The following SPAG16 variants were observed in gnomAD, a reference collection of about 807,000 sequenced individuals.
SPAG16 encodes the protein sperm associated antigen 16.
SPAG16 carries 86 observed loss-of-function variants against 80.4 expected under a neutral mutation model. The observed-to-expected ratio is 1.07, with a 90% confidence interval of 0.90 to 1.28. The LOEUF (loss-of-function observed/expected upper bound fraction) is 1.28. Among genes scored for constraint, SPAG16 ranks in the 50% most tolerant of loss-of-function variants. SPAG16 has a pLI of 0.00. For synonymous variants in SPAG16, 294 were observed against 265.9 expected, an observed-to-expected ratio of 1.11 and a Z score of -1.03; for missense variants, 870 against 765.3, an observed-to-expected ratio of 1.14 and a Z score of -1.61.
In SPAG16 at chr2:213,796,324, C is replaced by T. The variant is rs563569895; in HGVS notation, c.1071-66161C>T. ...CCATACCTATTCTGACTTTCAACCC[C>T]AGGAAACATCTAATCTACTTTCTAT... On this transcript the variant is annotated intron_variant, in intron 10 of 15. Coordinates refer to ENST00000331683, the MANE Select transcript of SPAG16 (RefSeq NM_024532.5). 4.6e-5 allele frequency among the ~76,000 whole-genome samples: 7 copies of T among 152,240 alleles called. No individual in the cohort carries two copies. In the South Asian group the frequency reaches 1.2e-3, roughly 27 times the overall value.
At chr2:213,914,888 C>T (rs1256051991) in intron 11 of SPAG16, among the ~76,000 whole-genome samples, 1 of 151,198 alleles carries the variant, frequency 6.6e-6, no homozygotes, top group Admixed American at 6.6e-5. Flanking sequence ...GATATTAGAA[C>T]TTTGTCAAAC....
intron 10 of SPAG16, among the ~76,000 whole-genome samples, chr2:213,550,493 T>A (rs1260530491): frequency 6.6e-6 from 1 of 152,114 alleles, no homozygotes; most frequent in Non-Finnish European, 1.5e-5. Flanking sequence ...GGAGTGCATT[T>A]TATTTACAAT....
At chr2:213,921,665 A>G (rs13410710) in intron 11 of SPAG16, among the ~76,000 whole-genome samples, 88,978 of 152,036 alleles carry the variant, frequency 0.59, 27,844 homozygotes, top group South Asian at 0.84. Flanking sequence ...GTAGTGGCTG[A>G]TAATGATCTT....
intron 15 of SPAG16, among the ~76,000 whole-genome samples, chr2:214,365,310 A>C (rs980705471): frequency 6.6e-6 from 1 of 152,168 alleles, no homozygotes; most frequent in Non-Finnish European, 1.5e-5. Flanking sequence ...TCCTTTCCCT[A>C]TTAAGTGACT....
At chr2:213,712,413 G>T (rs1224748099) in intron 10 of SPAG16, among the ~76,000 whole-genome samples, 1 of 152,222 alleles carries the variant, frequency 6.6e-6, no homozygotes, top group African/African-American at 2.4e-5. Context: ...ACCCATATAA[G>T]ATACTTAATA....
chr2:213,680,932 T>G lies in SPAG16; in HGVS notation c.1071-181553T>G, dbSNP rs191904733. On this transcript the variant is annotated intron_variant, in intron 10 of 15. Transcript: ENST00000331683. ...AGACATTTTCTGGTTTACAATTGGCTGAGTTTATCTGAAGAACTAGGATCA... is the reference window on the plus strand; with the variant it reads ...AGACATTTTCTGGTTTACAATTGGCGGAGTTTATCTGAAGAACTAGGATCA... 2.6e-5 allele frequency among the ~76,000 whole-genome samples: 4 copies of G among 152,318 alleles called. No individual in the cohort carries two copies. The East Asian group carries it at 7.7e-4, about 29-fold the overall frequency.
chr2:213,704,449 C>T (rs1201396411), intron 10 of SPAG16, among the ~76,000 whole-genome samples: 1 of 152,100 alleles, frequency 6.6e-6, no homozygotes, highest in Non-Finnish European at 1.5e-5. Flanking sequence ...CACAGAGTGA[C>T]ATCACAGCCC....
At chr2:213,825,870 T>C (rs1315253324) in intron 10 of SPAG16, among the ~76,000 whole-genome samples, 2 of 151,986 alleles carry the variant, frequency 1.3e-5, no homozygotes, top group Non-Finnish European at 2.9e-5. Flanking sequence ...CATTCAGCAG[T>C]GAAGCCATCA....
In SPAG16 at chr2:213,510,787, A is replaced by G. The variant is rs114146954; in HGVS notation, c.1070+20697A>G. 2.7e-3 allele frequency among the ~76,000 whole-genome samples: 416 copies of G among 152,320 alleles called. 2 individuals are homozygous for G. Among genetic ancestry groups the G allele is most frequent in the African/African-American group, 8.6e-3 (358 of 41,586 alleles). On this transcript the variant is annotated intron_variant, in intron 10 of 15. Transcript: ENST00000331683. ...ATTAAGTGAGAAACATGTGTCATAT[A>G]GTAAATACTTAATGGAATATACCTA...
intron 15 of SPAG16, among the ~76,000 whole-genome samples, chr2:214,246,144 G>A (rs1304714692): frequency 1.3e-5 from 2 of 152,046 alleles, no homozygotes; most frequent in African/African-American, 4.8e-5. Context: ...AAATGAGAGG[G>A]AATTAGGAGA....
At chr2:213,954,841 GATT>G (rs1238402601) in intron 12 of SPAG16, among the ~76,000 whole-genome samples, 2 of 152,012 alleles carry the variant, frequency 1.3e-5, no homozygotes, top group African/African-American at 2.4e-5. Flanking sequence ...AAAATATTAT[GATT>G]ATTATAGCTG....
chr2:213,719,721 G>T (rs2066429533), intron 10 of SPAG16, among the ~76,000 whole-genome samples: 1 of 152,184 alleles, frequency 6.6e-6, no homozygotes, highest in Non-Finnish European at 1.5e-5. Context: ...AAATAGGAAT[G>T]CTTTTACACT....
At chr2:213,373,686 G>A (rs924118563) in intron 8 of SPAG16, among the ~76,000 whole-genome samples, 5 of 152,100 alleles carry the variant, frequency 3.3e-5, no homozygotes, top group Non-Finnish European at 5.9e-5. Context: ...TCTCCCTACT[G>A]ATTTCTCTTT....
chr2:214,225,782 G>A (rs2058685402), intron 15 of SPAG16, among the ~76,000 whole-genome samples: 1 of 151,984 alleles, frequency 6.6e-6, no homozygotes, highest in Non-Finnish European at 1.5e-5. Flanking sequence ...ATAAACTGTT[G>A]GAATATATGT....
chr2:213,698,932 A>G (rs1428766648), intron 10 of SPAG16, among the ~76,000 whole-genome samples: 2 of 152,242 alleles, frequency 1.3e-5, no homozygotes, highest in African/African-American at 2.4e-5. Flanking sequence ...ATGCACATCA[A>G]GTACAACGCA....
chr2:214,314,978 A>T (rs1576757898), intron 15 of SPAG16, among the ~76,000 whole-genome samples: 1 of 152,246 alleles, frequency 6.6e-6, no homozygotes, highest in East Asian at 1.9e-4. Flanking sequence ...AAAAGAAGGA[A>T]TTGGAAAAAT....
At chr2:213,830,762 G>A (rs1015537747) in intron 10 of SPAG16, among the ~76,000 whole-genome samples, 12 of 151,842 alleles carry the variant, frequency 7.9e-5, no homozygotes, top group Admixed American at 2.6e-4. Context: ...TACTTCTTTC[G>A]AAGGCCCACT....
intron 10 of SPAG16, among the ~76,000 whole-genome samples, chr2:213,511,841 G>C (rs767136823): frequency 1.3e-5 from 2 of 151,722 alleles, no homozygotes; most frequent in South Asian, 2.1e-4. Flanking sequence ...AAACAGGGTG[G>C]CCAATCTACT....
chr2:213,360,845 C>T (rs1209949502), intron 7 of SPAG16, among the ~76,000 whole-genome samples: 9 of 152,078 alleles, frequency 5.9e-5, no homozygotes, highest in Admixed American at 3.3e-4. Flanking sequence ...TTTATTTCAA[C>T]GTTTGATGCA....
Sources: allele counts gnomAD v4.1 joint callset (sites outside exome capture counted in the v4.1 genomes callset), GRCh38; gene constraint gnomAD v4.1.1; transcripts MANE v1.5; gene names NCBI Gene and HGNC (gene_info 2026-07-23, HGNC 2026-07-21).